Variants in DIPK2B observed in about 807,000 individuals in gnomAD.
DIPK2B encodes UPF0672 protein CXorf36.
A neutral mutation model predicts 22.2 loss-of-function variants in DIPK2B; 15 were observed. That is an observed-to-expected ratio of 0.68 (90% CI 0.45 to 1.04). DIPK2B has a LOEUF of 1.04. Ranked by LOEUF, DIPK2B falls within the 50% of genes least tolerant of loss-of-function variation. The probability of loss-of-function intolerance (pLI) is 0.00; values close to 1 mark genes in which losing one functional copy is unlikely to be tolerated. For missense variants in DIPK2B, 345 were observed against 348.3 expected, an observed-to-expected ratio of 0.99 and a Z score of 0.08; for synonymous variants, 163 against 153.2, an observed-to-expected ratio of 1.06 and a Z score of -0.47.
chrX:45,189,742 A>G (rs1391684957), intron 2 of DIPK2B, among the ~76,000 whole-genome samples: 1 of 111,745 alleles, frequency 8.9e-6, no homozygotes, highest in Non-Finnish European at 1.9e-5. Flanking sequence ...TCTGGAAAGG[A>G]GGTGAGGAGA....
chrX:45,183,633 T>C (rs4239957), intron 2 of DIPK2B, among the ~76,000 whole-genome samples: 19,347 of 111,112 alleles, frequency 0.17, 1,628 homozygotes, highest in Admixed American at 0.38. Context: ...CTAACAACTT[T>C]TTTTTCTTTG....
intron 1 of DIPK2B, among the ~76,000 whole-genome samples, chrX:45,197,754 A>G (rs1395836672): frequency 8.9e-6 from 1 of 112,096 alleles, no homozygotes; most frequent in African/African-American, 3.2e-5. Flanking sequence ...AGTGAGCTTT[A>G]TAAGTAGAAG....
chrX:45,178,193 A>C (rs1185469222), intron 2 of DIPK2B, among the ~76,000 whole-genome samples: 1 of 112,431 alleles, frequency 8.9e-6, no homozygotes, highest in East Asian at 2.8e-4. Context: ...TGCTGGGCTG[A>C]AAAACCACAG....
At chrX:45,193,373 G>C (rs1603118227) in intron 1 of DIPK2B, among the ~76,000 whole-genome samples, 1 of 111,972 alleles carries the variant, frequency 8.9e-6, no homozygotes, top group East Asian at 2.8e-4. Context: ...AATGAGTTTT[G>C]GATAATGCGT....
At chrX:45,186,840 C>T (rs1603114313) in intron 2 of DIPK2B, among the ~76,000 whole-genome samples, 1 of 112,127 alleles carries the variant, frequency 8.9e-6, no homozygotes, top group African/African-American at 3.3e-5. Context: ...CTTATGCCCT[C>T]CTAGCGCCTA....
At chrX:45,181,571 T>C (rs1352723698) in intron 2 of DIPK2B, among the ~76,000 whole-genome samples, 3 of 111,922 alleles carry the variant, frequency 2.7e-5, no homozygotes, top group Non-Finnish European at 5.6e-5. Context: ...AGTCATCTGA[T>C]TTCTCACAAA....
intron 2 of DIPK2B, among the ~76,000 whole-genome samples, chrX:45,182,932 G>T (rs1569545244): frequency 8.9e-6 from 1 of 111,753 alleles, no homozygotes; most frequent in Non-Finnish European, 1.9e-5. Flanking sequence ...AAGCAAACTG[G>T]GATGGTTGGT....
Position 45,150,017 on chromosome X carries a change from G to A in DIPK2B, c.*1635C>T, listed in dbSNP as rs1395621489. The A allele has an allele frequency of 8.9e-6, 1 of 112,106 alleles. No homozygotes were observed. The highest frequency in any genetic ancestry group is 9.4e-5 in the Admixed American group (1 of 10,611). The allele number at this position is 112,106 out of a possible 1,213,427, so 9.2% of individuals were successfully genotyped here. A position where few individuals can be genotyped will look rare whatever the true frequency, so the allele number is the denominator to read the frequency against. ...CTGCCTCAGCCTCCTGAGTAGCTGG[G>A]ATTACAGGTGCCCGCCACCACACCT... On this transcript the variant is annotated 3_prime_UTR_variant, in exon 5 of 5. Coordinates refer to ENST00000398000, the MANE Select transcript of DIPK2B (RefSeq NM_176819.4).
In DIPK2B at chrX:45,154,068, G is replaced by A; in HGVS notation, c.803C>T (p.Ala268Val). 8.3e-7 allele frequency: 1 copy of A among 1,211,297 alleles called. No homozygotes were observed. Among genetic ancestry groups the A allele is most frequent in the Non-Finnish European group, 1.1e-6 (1 of 895,354 alleles). The change falls in exon 4 of 5, where the codon GCC (alanine) becomes GTC (valine). Residue 268 changes from alanine (A) to valine (V), a missense_variant. Transcript: ENST00000398000. ...CTCCAGGACACCCAGGAGCTGGTAG[G>A]CAAGGTCGGCTGCCTGATCTGGGGG... ...DAPPDQAADLAYQLLGVLESL... is the reference protein window; with the variant it reads ...DAPPDQAADLVYQLLGVLESL...
chrX:45,157,959 G>C (rs1396136962), intron 2 of DIPK2B, 71 bp from the exon 3 acceptor site: 1 of 692,791 alleles, frequency 1.4e-6, no homozygotes, highest in Non-Finnish European at 1.8e-6. Context: ...GGGTTAGCAG[G>C]AGGGGGAATG....
In DIPK2B at chrX:45,200,645, T is replaced by C; in HGVS notation, c.182A>G (p.Asn61Ser). The C allele has an allele frequency of 8.2e-7, 1 of 1,212,465 alleles. No individual in the cohort carries two copies. Among genetic ancestry groups the C allele is most frequent in the Non-Finnish European group, 1.1e-6 (1 of 895,621 alleles). ...GRTFLGLDKC[N>S]ACIGTSICKK... ...GCAAATAGATGTCCCGATGCAGGCA[T>C]TGCATTTATCAAGACCGAGGAAAGT... is the stretch of plus-strand genomic sequence containing the variant. The change falls in exon 1 of 5, where the codon AAT (asparagine) becomes AGT (serine). Residue 61 changes from asparagine (N) to serine (S), a missense_variant. Asn to Ser is a conservative substitution (Grantham distance 46). Coordinates refer to ENST00000398000, the MANE Select transcript of DIPK2B (RefSeq NM_176819.4).
At chrX:45,165,710 A>T (rs1267502339) in intron 2 of DIPK2B, among the ~76,000 whole-genome samples, 1 of 111,752 alleles carries the variant, frequency 8.9e-6, no homozygotes, top group Non-Finnish European at 1.9e-5. Flanking sequence ...TACCATGCTA[A>T]AATAGTCCGT....
At position 45,151,836 on chromosome X, in the gene DIPK2B, C is replaced by G; in HGVS notation, c.1118G>C (p.Arg373Thr). ...GTCGTCTTGCACTGGGGAGGGGAAC[C>G]TCCCCTGGAGAAGTCGAGGCAGCAA... ...QKLLPRLLQG[R>T]FPSPVQDDID... The change falls in exon 5 of 5, where the codon AGG (arginine) becomes ACG (threonine). Residue 373 changes from arginine (R) to threonine (T), a missense_variant. By Grantham distance (71) the Arg-to-Thr change is moderately conservative. Coordinates refer to ENST00000398000, the MANE Select transcript of DIPK2B (RefSeq NM_176819.4). 8.3e-7 allele frequency: 1 copy of G among 1,211,853 alleles called. No individual in the cohort carries two copies. Among genetic ancestry groups the G allele is most frequent in the Non-Finnish European group, 1.1e-6 (1 of 895,406 alleles).
intron 4 of DIPK2B, among the ~76,000 whole-genome samples, chrX:45,152,910 G>A (rs758348665): frequency 4.5e-5 from 5 of 111,528 alleles, no homozygotes; most frequent in African/African-American, 6.5e-5. Flanking sequence ...CAGCCTGGGC[G>A]ACAGAGTGAG....
intron 2 of DIPK2B, among the ~76,000 whole-genome samples, chrX:45,179,703 A>T (rs2047138732): frequency 9.0e-6 from 1 of 111,687 alleles, no homozygotes; most frequent in African/African-American, 3.3e-5. Context: ...AAACAAAATA[A>T]ATCTAACAAC....
chrX:45,154,141 A>T lies in DIPK2B; in HGVS notation c.730T>A (p.Phe244Ile). 8.3e-7 allele frequency: 1 copy of T among 1,210,868 alleles called. No homozygotes were observed. Among genetic ancestry groups the T allele is most frequent in the Non-Finnish European group, 1.1e-6 (1 of 895,264 alleles). The stretch of plus-strand genomic sequence containing the variant: ...GGTCTGGTGCTGGTGCTGACGAGGA[A>T]TCTGCCACAGGAGCCCAGGTACTTG... ...LPKYLGSCGR[F>I]LVSTSTRPLQ... The change falls in exon 4 of 5, where the codon TTC becomes ATC. Residue 244 changes from phenylalanine (F) to isoleucine (I), a missense_variant. Physicochemically the swap from Phe to Ile is conservative, Grantham distance 21 (BLOSUM62 0). Transcript: ENST00000398000.
rs1189765516 is a variant in DIPK2B, at chrX:45,154,337, C to CT, written c.673-140_673-139insA. ...TATCTATCTGTCTATCTATATCAAT[C>CT]ATCTATATCTATCATCTATCTCTAT... On this transcript the variant is annotated intron_variant, in intron 3 of 4. Transcript: ENST00000398000. 65 of 537,444 alleles carry CT rather than the reference C, an allele frequency of 1.2e-4. No homozygotes were observed. In the African/African-American group the frequency reaches 1.3e-3, roughly 11 times the overall value. 44.3% of individuals were successfully genotyped at this position (537,444 alleles called of 1,213,427 possible). A position where few individuals can be genotyped will look rare whatever the true frequency, so the allele number is the denominator to read the frequency against.
chrX:45,173,226 C>T (rs1435916755), intron 2 of DIPK2B, among the ~76,000 whole-genome samples: 1 of 111,773 alleles, frequency 8.9e-6, no homozygotes, highest in African/African-American at 3.3e-5. Context: ...TTTGCATATC[C>T]CTTGGTGACT....
chrX:45,178,571 T>G (rs1219248424), intron 2 of DIPK2B, among the ~76,000 whole-genome samples: 2 of 111,760 alleles, frequency 1.8e-5, no homozygotes, highest in Non-Finnish European at 3.8e-5. Context: ...TCTTTTTCCC[T>G]GAGAGCATTT....
Sources: allele counts gnomAD v4.1 joint callset (sites outside exome capture counted in the v4.1 genomes callset), GRCh38; gene constraint gnomAD v4.1.1; transcripts MANE v1.5; gene names NCBI Gene and HGNC (gene_info 2026-07-23, HGNC 2026-07-21).